Variants in TLCD4 observed in about 807,000 individuals in gnomAD.
TLCD4 encodes the protein TLC domain-containing protein 4.
A neutral mutation model predicts 24.2 loss-of-function variants in TLCD4; 7 were observed. The observed-to-expected ratio is 0.29, with a 90% CI of 0.16 to 0.54. TLCD4 has a LOEUF of 0.54. Among genes scored for constraint, TLCD4 ranks in the 20% least tolerant of loss-of-function variants. The pLI is 0.95. For synonymous variants in TLCD4, 103 were observed against 106.4 expected, an observed-to-expected ratio of 0.97 and a Z score of 0.20; for missense variants, 259 against 313.9, an observed-to-expected ratio of 0.82 and a Z score of 1.32.
intron 5 of TLCD4, among the ~76,000 whole-genome samples, chr1:95,154,809 C>T (rs1178959313): frequency 6.7e-6 from 1 of 150,026 alleles, no homozygotes; most frequent in Non-Finnish European, 1.5e-5. Context: ...GTTGATGGTA[C>T]CCTGAAACGG....
At chr1:95,101,640 T>G in the TLCD4 span, among the ~76,000 whole-genome samples, 2 of 152,302 alleles carry the variant, frequency 1.3e-5, no homozygotes, top group African/African-American at 4.8e-5. Flanking sequence ...TTTGTTTTTG[T>G]CTTTTTAACA....
intron 4 of TLCD4, among the ~76,000 whole-genome samples, chr1:95,151,064 C>T (rs1432179665): frequency 6.6e-6 from 1 of 152,018 alleles, no homozygotes; most frequent in African/African-American, 2.4e-5. Context: ...ACATGCCAGG[C>T]CTTGTGCTAG....
intron 1 of TLCD4, among the ~76,000 whole-genome samples, chr1:95,136,776 C>A (rs913130003): frequency 3.3e-5 from 5 of 152,014 alleles, no homozygotes; most frequent in Non-Finnish European, 7.4e-5. Context: ...ATTTGTTGGT[C>A]AGTTATTTGT....
At chr1:95,117,662 C>G (rs1233171905) in intron 1 of TLCD4, 45 bp downstream of exon 1, 2 of 151,934 alleles carry the variant, frequency 1.3e-5, no homozygotes, top group African/African-American at 2.4e-5. Flanking sequence ...GCGGGCTTGC[C>G]TCGCCCCGCG....
chr1:95,131,534 T>C (rs1032396991), intron 1 of TLCD4, among the ~76,000 whole-genome samples: 5 of 152,198 alleles, frequency 3.3e-5, no homozygotes, highest in African/African-American at 7.2e-5. Context: ...TGATCAGAGA[T>C]GGCTTTTAGA....
At chr1:95,163,421 A>T (rs1677898317) in intron 5 of TLCD4, 1 of 126,808 alleles carries the variant, frequency 7.9e-6, no homozygotes, top group Admixed American at 8.0e-5. Context: ...GCATGTTTTT[A>T]GCTTTTTTGC....
chr1:95,171,493 A>G (rs996831876), intron 5 of TLCD4, among the ~76,000 whole-genome samples: 3 of 152,190 alleles, frequency 2.0e-5, no homozygotes, highest in Non-Finnish European at 2.9e-5. Flanking sequence ...AACTGTTTTG[A>G]TTTGTATTGA....
chr1:95,172,644 G>C (rs1258036196), intron 5 of TLCD4, among the ~76,000 whole-genome samples: 1 of 152,118 alleles, frequency 6.6e-6, no homozygotes, highest in African/African-American at 2.4e-5. Flanking sequence ...CCTTGTTAAA[G>C]GTAGTTCTTA....
chr1:95,178,268 A>G (rs1345783855), intron 6 of TLCD4, among the ~76,000 whole-genome samples: 1 of 141,058 alleles, frequency 7.1e-6, no homozygotes, highest in Non-Finnish European at 1.5e-5. Context: ...TTTATTATTT[A>G]TTTGTTTTTG....
At chr1:95,165,466 T>G (rs72722157) in intron 5 of TLCD4, among the ~76,000 whole-genome samples, 63,706 of 142,610 alleles carry the variant, frequency 0.45, 15,361 homozygotes, top group Middle Eastern at 0.58. Flanking sequence ...TGTGTGTGTG[T>G]GTTTTTTTTT....
intron 5 of TLCD4, among the ~76,000 whole-genome samples, chr1:95,169,366 T>C (rs939234389): frequency 1.3e-5 from 2 of 152,236 alleles, no homozygotes; most frequent in African/African-American, 2.4e-5. Context: ...CAAGATGTTA[T>C]GCCCAACTTT....
chr1:95,149,105 A>C (rs184304332), intron 3 of TLCD4, among the ~76,000 whole-genome samples: 1 of 152,218 alleles, frequency 6.6e-6, no homozygotes, highest in Non-Finnish European at 1.5e-5. Flanking sequence ...AAAATAAATC[A>C]TTATTGAGAT....
upstream of TLCD4, among the ~76,000 whole-genome samples, chr1:95,114,967 T>G (rs1007149035): frequency 6.6e-6 from 1 of 151,858 alleles, no homozygotes; most frequent in Non-Finnish European, 1.5e-5. Flanking sequence ...ACATCCCATT[T>G]AAAATGCAGA....
chr1:95,178,206 C>T (rs961372042), intron 6 of TLCD4, among the ~76,000 whole-genome samples: 4 of 151,994 alleles, frequency 2.6e-5, no homozygotes, highest in African/African-American at 9.7e-5. Context: ...CTCGGCCTCC[C>T]AAAGTGCTAG....
chr1:95,105,812 G>A, the TLCD4 span, among the ~76,000 whole-genome samples: 1 of 150,884 alleles, frequency 6.6e-6, no homozygotes, highest in Non-Finnish European at 1.5e-5. Context: ...AGAGAATGGC[G>A]TGAACCCGCG....
chr1:95,108,160 T>C, the TLCD4 span, among the ~76,000 whole-genome samples: 5 of 152,178 alleles, frequency 3.3e-5, no homozygotes, highest in Admixed American at 1.3e-4. Context: ...TATTTATCTG[T>C]GATTTGAATA....
rs531380339 is a variant in TLCD4 at position 95,177,350 on chromosome 1, T to C, written c.473+3461T>C. Among the ~76,000 whole-genome samples, 102 of 152,268 alleles carry C rather than the reference T, an allele frequency of 6.7e-4. 1 individual carries two copies. Among genetic ancestry groups the C allele is most frequent in the Non-Finnish European group, 9.3e-4 (63 of 68,024 alleles). On this transcript the variant is annotated intron_variant, in intron 6 of 6. Transcript: ENST00000370203. ...CTTCTATGATTATATGTCTTGTTAT[T>C]TAGTACAGGGGTAACACAGTAAGTT...
chr1:95,168,670 T>G (rs906502699), intron 5 of TLCD4, among the ~76,000 whole-genome samples: 1 of 139,902 alleles, frequency 7.1e-6, no homozygotes, highest in Non-Finnish European at 1.5e-5. Context: ...AACCACCACC[T>G]CCAGCCAAAG....
At chr1:95,164,782 GTTTTTC>G (rs1677956121) in intron 5 of TLCD4, 1 of 120,850 alleles carries the variant, frequency 8.3e-6, no homozygotes, top group African/African-American at 3.1e-5. Flanking sequence ...TGTAATCATA[GTTTTTC>G]TTTGTAGTCA....
Sources: gnomAD v4.1 joint callset for allele counts (sites outside exome capture counted in the v4.1 genomes callset) on GRCh38, gnomAD v4.1.1 for gene constraint, MANE v1.5 for transcripts, NCBI Gene and HGNC (gene_info 2026-07-23, HGNC 2026-07-21) for gene names.